ACTN2: variants seen among roughly 807,000 people sequenced by gnomAD.
ACTN2 encodes alpha-actinin-2.
Under a neutral mutation model 113.8 loss-of-function variants are expected in ACTN2, and 39 were observed. The ratio of observed to expected loss-of-function variants is 0.34; its 90% CI spans 0.27 to 0.45. The LOEUF is 0.45. ACTN2 is among the 20% of genes least tolerant of loss of function. The pLI is 1.00. For synonymous variants in ACTN2, 429 were observed against 444.1 expected, an observed-to-expected ratio of 0.97 and a Z score of 0.43; for missense variants, 992 against 1,177.9, an observed-to-expected ratio of 0.84 and a Z score of 2.31.
intron 1 of ACTN2, among the ~76,000 whole-genome samples, chr1:236,701,979 G>A (rs963615102): frequency 6.6e-6 from 1 of 152,120 alleles, no homozygotes; most frequent in Admixed American, 6.6e-5. Context: ...GATGTGTGAC[G>A]GTGAGTTCTA....
chr1:236,687,682 AC>A (rs1229369223), intron 1 of ACTN2, among the ~76,000 whole-genome samples: 1 of 152,232 alleles, frequency 6.6e-6, no homozygotes, highest in Non-Finnish European at 1.5e-5. Context: ...CCTTCTAAGG[AC>A]CTGCTTTAGG....
In ACTN2 at chr1:236,762,536, G is replaced by T; in HGVS notation, c.2602G>T (p.Ala868Ser). Residue 868 changes from alanine (A) to serine (S), a missense_variant, in exon 21 of 21, where the codon GCC becomes TCC. Physicochemically the swap from Ala to Ser is moderately conservative, Grantham distance 99. This residue lies in a region of ACTN2 where 736 missense variants were observed against 815.4 expected (regional missense o/e 0.90). Coordinates refer to ENST00000366578, the MANE Select transcript of ACTN2 (RefSeq NM_001103.4). ...QAQYCIKRMP[A>S]YSGPGSVPGA... ...CCAGTACTGCATCAAGAGGATGCCC[G>T]CCTACTCGGGCCCAGGCAGTGTGCC... 3.1e-6 allele frequency: 5 copies of T among 1,614,120 alleles called. No individual in the cohort carries two copies. Among genetic ancestry groups the T allele is most frequent in the Non-Finnish European group, 3.4e-6 (4 of 1,180,000 alleles).
At chr1:236,738,851 A>C (rs556827336) in intron 9 of ACTN2, among the ~76,000 whole-genome samples, 3 of 152,378 alleles carry the variant, frequency 2.0e-5, no homozygotes, top group South Asian at 2.1e-4. Context: ...TGTAGTAAGT[A>C]ATCTAATTAG....
chr1:236,721,217 G>T (rs188788171), intron 4 of ACTN2, among the ~76,000 whole-genome samples: 1 of 151,116 alleles, frequency 6.6e-6, no homozygotes, highest in Non-Finnish European at 1.5e-5. Flanking sequence ...TAGTAGAGAC[G>T]GGGTTTCACT....
rs1258308097 is a variant in ACTN2, at chr1:236,687,138, C to T, written c.126+339C>T. 2.6e-5 allele frequency among the ~76,000 whole-genome samples: 4 copies of T among 152,126 alleles called. No homozygotes were observed. In the South Asian group the frequency reaches 6.2e-4, roughly 24 times the overall value. On this transcript the variant is annotated intron_variant, in intron 1 of 20. Coordinates refer to ENST00000366578, the MANE Select transcript of ACTN2 (RefSeq NM_001103.4). ...GTGACCTTGGCCCCCGAGTTATACTCTCCTGGCCCGCTTGTGTCCATTTAC... is the reference window on the plus strand; with the variant it reads ...GTGACCTTGGCCCCCGAGTTATACTTTCCTGGCCCGCTTGTGTCCATTTAC...
chr1:236,694,236 T>G (rs1357452613), intron 1 of ACTN2, among the ~76,000 whole-genome samples: 2 of 150,892 alleles, frequency 1.3e-5, no homozygotes, highest in Non-Finnish European at 3.0e-5. Flanking sequence ...TTTTTTTTTT[T>G]GAGACGGAGT....
intron 1 of ACTN2, among the ~76,000 whole-genome samples, chr1:236,695,375 C>CA (rs34546199): frequency 0.14 from 5,665 of 40,500 alleles, 294 homozygotes; most frequent in Non-Finnish European, 0.2. Flanking sequence ...GAGACTGTCT[C>CA]AAAAAAAAAA....
chr1:236,744,588 C>T, intron 11 of ACTN2, 38 bp from the exon 12 acceptor site: 3 of 1,612,488 alleles, frequency 1.9e-6, no homozygotes, highest in Non-Finnish European at 2.5e-6. Flanking sequence ...CCGCTGTGCC[C>T]TCAGCATATT....
chr1:236,740,199 C>T (rs71642858), intron 10 of ACTN2, among the ~76,000 whole-genome samples: 4,386 of 151,822 alleles, frequency 0.029, 112 homozygotes, highest in Middle Eastern at 0.048. Context: ...CTGCAAGCTC[C>T]GCCTCCCGGG....
intron 10 of ACTN2, 62 bp downstream of exon 10, chr1:236,739,594 G>GT (rs1659006990): frequency 6.3e-7 from 1 of 1,575,246 alleles, no homozygotes; most frequent in African/African-American, 1.4e-5. Context: ...GCCTAAAGGC[G>GT]TTTGACCTGG....
intron 12 of ACTN2, among the ~76,000 whole-genome samples, chr1:236,745,841 A>T (rs1388584102): frequency 6.6e-6 from 1 of 152,130 alleles, no homozygotes; most frequent in Non-Finnish European, 1.5e-5. Context: ...AAATAATAAA[A>T]ATTTATTTCA....
At chr1:236,726,267 A>G (rs557564315) in intron 5 of ACTN2, among the ~76,000 whole-genome samples, 43 of 152,324 alleles carry the variant, frequency 2.8e-4, no homozygotes, top group African/African-American at 9.9e-4. Context: ...GAAGGATGCT[A>G]CTGAGTTTGG....
chr1:236,724,333 T>G (rs1658485605), intron 4 of ACTN2, among the ~76,000 whole-genome samples: 1 of 152,134 alleles, frequency 6.6e-6, no homozygotes, highest in Non-Finnish European at 1.5e-5. Context: ...ACAGGCACAT[T>G]AGGGTCTAGG....
chr1:236,711,200 G>A (rs991160529), intron 1 of ACTN2, among the ~76,000 whole-genome samples: 10 of 152,316 alleles, frequency 6.6e-5, no homozygotes, highest in Non-Finnish European at 1.2e-4. Flanking sequence ...GTTTAGGAAA[G>A]AGATCCTAAT....
intron 11 of ACTN2, among the ~76,000 whole-genome samples, chr1:236,743,291 C>T (rs1330301261): frequency 2.0e-5 from 3 of 152,200 alleles, no homozygotes; most frequent in African/African-American, 7.2e-5. Context: ...TACATACCTA[C>T]CTACATAAGG....
intron 1 of ACTN2, among the ~76,000 whole-genome samples, chr1:236,703,826 G>A (rs1181069869): frequency 6.6e-6 from 1 of 152,000 alleles, no homozygotes; most frequent in Non-Finnish European, 1.5e-5. Flanking sequence ...ATTAAAGACA[G>A]GTAGAGATAA....
In ACTN2 at chr1:236,763,361, C is replaced by T. The variant is rs1659765119; in HGVS notation, c.*742C>T. On this transcript the variant is annotated 3_prime_UTR_variant, in exon 21 of 21. Transcript: ENST00000366578. ...ATTGCCAGAGAGAAGGATGCAATCA[C>T]TAGGTAAAATGAGGTTTTTAGGATT... 2.6e-5 allele frequency: 4 copies of T among 152,710 alleles called. No homozygotes were observed. Among genetic ancestry groups the T allele is most frequent in the Admixed American group, 6.5e-5 (1 of 15,338 alleles). The allele number at this position is 152,710 out of a possible 1,614,324, so 9.5% of individuals were successfully genotyped here.
chr1:236,728,852 C>A (rs1033773338), intron 6 of ACTN2, among the ~76,000 whole-genome samples: 1 of 152,088 alleles, frequency 6.6e-6, no homozygotes, highest in Non-Finnish European at 1.5e-5. Context: ...TGTGATCACA[C>A]CACTGCCCTC....
intron 6 of ACTN2, among the ~76,000 whole-genome samples, chr1:236,729,518 G>A (rs938506611): frequency 7.2e-5 from 11 of 152,134 alleles, no homozygotes; most frequent in African/African-American, 2.4e-4. Flanking sequence ...CACTCGTGTG[G>A]CATGGATGGT....
Sources: allele counts gnomAD v4.1 joint callset (sites outside exome capture counted in the v4.1 genomes callset), GRCh38; gene constraint gnomAD v4.1.1; regional missense constraint gnomAD v4.1.1; transcripts MANE v1.5; gene names NCBI Gene and HGNC (gene_info 2026-07-23, HGNC 2026-07-21).